Variants in GLRA2 observed in about 807,000 individuals in gnomAD.
GLRA2 encodes glycine receptor alpha 2, also known as glycine receptor subunit alpha-2.
A neutral mutation model predicts 31.6 loss-of-function variants in GLRA2; 11 were observed. The ratio of observed to expected loss-of-function variants is 0.35; its 90% CI spans 0.22 to 0.58. GLRA2 has a LOEUF of 0.58. Ranked by LOEUF, GLRA2 falls within the 20% of genes least tolerant of loss-of-function variation. GLRA2 has a pLI of 0.84. For synonymous variants in GLRA2, 132 were observed against 134.0 expected (o/e 0.99, Z 0.10); for missense variants, 212 against 351.8 (o/e 0.60, Z 3.18).
intron 4 of GLRA2, among the ~76,000 whole-genome samples, chrX:14,597,752 G>GA (rs1233517013): frequency 8.9e-6 from 1 of 111,759 alleles, no homozygotes; most frequent in Non-Finnish European, 1.9e-5. Flanking sequence ...GATAGAGTGG[G>GA]AAATAATAAA....
At chrX:14,697,960 G>A (rs900578392) in intron 8 of GLRA2, among the ~76,000 whole-genome samples, 3 of 111,455 alleles carry the variant, frequency 2.7e-5, no homozygotes, top group African/African-American at 9.8e-5. Context: ...GTCTGTCAGT[G>A]CCACTTGCCA....
intron 4 of GLRA2, among the ~76,000 whole-genome samples, chrX:14,600,664 T>C: frequency 9.0e-6 from 1 of 110,925 alleles, no homozygotes; most frequent in Non-Finnish European, 1.9e-5. Context: ...TTCCCTCAAA[T>C]ACTTATTATT....
At chrX:14,477,788 G>C in the GLRA2 span, among the ~76,000 whole-genome samples, 7 of 110,860 alleles carry the variant, frequency 6.3e-5, 1 homozygote, top group Admixed American at 6.8e-4. Context: ...ATGTTATCTT[G>C]GATGCAGTAG....
chrX:14,705,116 T>A (rs2091602190), intron 8 of GLRA2, among the ~76,000 whole-genome samples: 4 of 112,354 alleles, frequency 3.6e-5, no homozygotes, highest in Non-Finnish European at 5.6e-5. Flanking sequence ...GATTAAATAA[T>A]TAAATAGGTA....
At chrX:14,591,016 G>C (rs2090139526) in intron 4 of GLRA2, among the ~76,000 whole-genome samples, 1 of 111,512 alleles carries the variant, frequency 9.0e-6, no homozygotes, top group Non-Finnish European at 1.9e-5. Flanking sequence ...ACAGCTGAGG[G>C]TAGAAATATG....
intron 7 of GLRA2, among the ~76,000 whole-genome samples, chrX:14,642,871 A>C (rs1271617062): frequency 9.0e-6 from 1 of 111,164 alleles, no homozygotes; most frequent in Non-Finnish European, 1.9e-5. Flanking sequence ...CAGTGAGCTG[A>C]TAAGATATCA....
At chrX:14,541,581 CAA>C (rs1055951617) in intron 2 of GLRA2, among the ~76,000 whole-genome samples, 1 of 111,562 alleles carries the variant, frequency 9.0e-6, no homozygotes, top group African/African-American at 3.3e-5. Context: ...ACAAGACAGT[CAA>C]GATTTCTTTT....
chrX:14,639,220 T>C (rs1219516171), intron 7 of GLRA2, among the ~76,000 whole-genome samples: 1 of 111,149 alleles, frequency 9.0e-6, no homozygotes, highest in African/African-American at 3.3e-5. Flanking sequence ...CCTCAAGGAG[T>C]CACTCAAACT....
chrX:14,507,791 T>A, the GLRA2 span, among the ~76,000 whole-genome samples: 1 of 101,232 alleles, frequency 9.9e-6, no homozygotes, highest in East Asian at 3.1e-4. Context: ...CCTCCTGGGT[T>A]TAAGCGATTC....
chrX:14,608,945 A>G (rs762017365), intron 6 of GLRA2, 46 bp from the exon 7 acceptor site: 1 of 627,446 alleles, frequency 1.6e-6, no homozygotes, highest in Non-Finnish European at 2.7e-6. Flanking sequence ...TGGAATTGGA[A>G]ATATAAATTC....
intron 2 of GLRA2, among the ~76,000 whole-genome samples, chrX:14,565,896 A>G (rs961815091): frequency 8.9e-6 from 1 of 111,760 alleles, no homozygotes; most frequent in Non-Finnish European, 1.9e-5. Context: ...AAATCAACAT[A>G]AATTTACACC....
At chrX:14,556,434 G>A (rs185553158) in intron 2 of GLRA2, among the ~76,000 whole-genome samples, 1 of 111,313 alleles carries the variant, frequency 9.0e-6, no homozygotes, top group East Asian at 2.8e-4. Context: ...TTCTTCTAAG[G>A]CTAAATGGCT....
chrX:14,508,939 C>T, the GLRA2 span, among the ~76,000 whole-genome samples: 1 of 111,550 alleles, frequency 9.0e-6, no homozygotes, highest in Non-Finnish European at 1.9e-5. Context: ...AAATGTCATG[C>T]TTTTCACATT....
intron 7 of GLRA2, among the ~76,000 whole-genome samples, chrX:14,673,677 AG>A (rs1489950003): frequency 7.1e-5 from 8 of 112,139 alleles, no homozygotes; most frequent in African/African-American, 2.6e-4. Context: ...TCCAAATAAC[AG>A]TTATTAAACT....
chrX:14,551,065 A>G (rs1311234127), intron 2 of GLRA2, among the ~76,000 whole-genome samples: 1 of 112,224 alleles, frequency 8.9e-6, no homozygotes, highest in African/African-American at 3.2e-5. Flanking sequence ...AACCTTACAG[A>G]GAAGGTTATT....
intron 7 of GLRA2, among the ~76,000 whole-genome samples, chrX:14,682,702 C>G: frequency 1.2e-5 from 1 of 86,659 alleles, no homozygotes; most frequent in Non-Finnish European, 2.2e-5. Context: ...CTTTCCCCCT[C>G]CCCCCACCCC....
intron 8 of GLRA2, among the ~76,000 whole-genome samples, chrX:14,717,764 G>A (rs984966166): frequency 9.3e-6 from 1 of 107,606 alleles, no homozygotes; most frequent in Non-Finnish European, 1.9e-5. Context: ...AAAACCCATC[G>A]GTCAATAAAC....
chrX:14,655,757 A>G (rs1346524358), intron 7 of GLRA2, among the ~76,000 whole-genome samples: 1 of 100,100 alleles, frequency 1.0e-5, no homozygotes, highest in Non-Finnish European at 2.1e-5. Flanking sequence ...AGCACTTGTG[A>G]GCTATGCTTC....
At chrX:14,526,373 G>T (rs1021962879), upstream of GLRA2, among the ~76,000 whole-genome samples, 1 of 112,510 alleles carries the variant, frequency 8.9e-6, no homozygotes, top group Admixed American at 9.4e-5. Flanking sequence ...ACCAGGGGCT[G>T]TGACATAATC....
Sources: allele counts gnomAD v4.1 joint callset (sites outside exome capture counted in the v4.1 genomes callset), GRCh38; gene constraint gnomAD v4.1.1; transcripts MANE v1.5; gene names NCBI Gene and HGNC (gene_info 2026-07-23, HGNC 2026-07-21).